CLDN20: variants seen among roughly 807,000 people sequenced by gnomAD.
CLDN20 encodes the protein claudin-20.
For synonymous variants in CLDN20, 104 were observed against 103.6 expected, an observed-to-expected ratio of 1.00 and a Z score of -0.03; for missense variants, 258 against 267.9, an observed-to-expected ratio of 0.96 and a Z score of 0.26.
chr6:155,269,957 G>C (rs1180189728), intron 1 of CLDN20, among the ~76,000 whole-genome samples: 2 of 152,262 alleles, frequency 1.3e-5, no homozygotes, highest in Non-Finnish European at 2.9e-5. Flanking sequence ...GAACGAAACA[G>C]AGAGAAGTGC....
In CLDN20 at chr6:155,275,875, G is replaced by T; in HGVS notation, c.156G>T (p.Met52Ile). 1.2e-6 allele frequency: 2 copies of T among 1,614,166 alleles called. No homozygotes were observed. The highest frequency in any genetic ancestry group is 1.7e-6 in the Non-Finnish European group (2 of 1,180,036). ...TAIVQLHGLW[M>I]DCTWYSTGMF... The stretch of plus-strand genomic sequence containing the variant: ...TTGTACAGCTGCACGGGCTCTGGAT[G>T]GACTGTACGTGGTACAGCACTGGGA... The change falls in exon 2 of 2, where the codon ATG becomes ATT. Residue 52 changes from methionine (M) to isoleucine (I), a missense_variant. By Grantham distance (10) the Met-to-Ile change is conservative. Transcript: ENST00000367165.
chr6:155,268,986 TAAA>T (rs34268254), intron 1 of CLDN20, among the ~76,000 whole-genome samples: 17 of 128,396 alleles, frequency 1.3e-4, no homozygotes, highest in African/African-American at 4.7e-4. Context: ...ATTAAAAAAT[TAAA>T]AAAAAAAAAA....
chr6:155,275,518 G>C (rs1251170844), intron 1 of CLDN20, 98 bp from the exon 2 acceptor site: 5 of 552,116 alleles, frequency 9.1e-6, no homozygotes, highest in African/African-American at 1.9e-5. Flanking sequence ...GCTGGAGAAG[G>C]GGGATACTCA....
intron 1 of CLDN20, among the ~76,000 whole-genome samples, chr6:155,273,058 T>C (rs1418444631): frequency 1.3e-5 from 2 of 152,212 alleles, no homozygotes; most frequent in African/African-American, 4.8e-5. Context: ...GAAGAATCCC[T>C]AAGCTGAAAA....
At chr6:155,271,670 G>T (rs908777777) in intron 1 of CLDN20, among the ~76,000 whole-genome samples, 7 of 152,174 alleles carry the variant, frequency 4.6e-5, no homozygotes. Flanking sequence ...ACTCTCATTT[G>T]CAAGGCACGA....
intron 1 of CLDN20, among the ~76,000 whole-genome samples, chr6:155,265,915 A>G (rs1444050448): frequency 2.0e-5 from 3 of 151,912 alleles, no homozygotes; most frequent in African/African-American, 7.3e-5. Flanking sequence ...TGGGAGTCCA[A>G]TGTTTGAGGA....
intron 1 of CLDN20, among the ~76,000 whole-genome samples, chr6:155,267,310 G>A (rs1784700351): frequency 1.3e-5 from 2 of 152,210 alleles, no homozygotes; most frequent in South Asian, 4.1e-4. Context: ...AGGGTCAGCT[G>A]AGGCAGCCAT....
In CLDN20 at chr6:155,275,730, C is replaced by T. The variant is rs112008767; in HGVS notation, c.11C>T (p.Ala4Val). The T allele has an allele frequency of 6.2e-7, 1 of 1,612,696 alleles. No homozygotes were observed. Among genetic ancestry groups the T allele is most frequent in the Non-Finnish European group, 8.5e-7 (1 of 1,179,232 alleles). MAS[A>V]GLQLLAFILA... Reference sequence around the variant, plus strand: ...CTTAACAGTAACATCATGGCCTCAGCAGGACTCCAGCTCCTTGCTTTCATC... The same window carrying T: ...CTTAACAGTAACATCATGGCCTCAGTAGGACTCCAGCTCCTTGCTTTCATC... The change falls in exon 2 of 2, where the codon GCA (alanine) becomes GTA (valine). Residue 4 changes from alanine to valine, a missense_variant. Physicochemically the swap from Ala to Val is moderately conservative, Grantham distance 64 (BLOSUM62 0). Coordinates refer to ENST00000367165, the MANE Select transcript of CLDN20 (RefSeq NM_001001346.3).
Position 155,275,692 on chromosome 6 carries a change from C to T in CLDN20, c.-28C>T. 3 of 1,580,742 alleles carry T rather than the reference C, an allele frequency of 1.9e-6. No individual in the cohort carries two copies. The highest frequency in any genetic ancestry group is 2.6e-6 in the Non-Finnish European group (3 of 1,161,240). On this transcript the variant is annotated 5_prime_UTR_variant, in exon 2 of 2. Transcript: ENST00000367165. ...CATCATTGTTAAACATCAGGATTTT[C>T]TAAGAGGACAGACTTAACAGTAACA...
intron 1 of CLDN20, among the ~76,000 whole-genome samples, chr6:155,267,575 C>T (rs1784716349): frequency 6.6e-6 from 1 of 152,180 alleles, no homozygotes; most frequent in Admixed American, 6.5e-5. Flanking sequence ...CAGGTAAAAC[C>T]AGTCTTAGAG....
At chr6:155,266,183 T>C (rs1197178195) in intron 1 of CLDN20, among the ~76,000 whole-genome samples, 1 of 152,076 alleles carries the variant, frequency 6.6e-6, no homozygotes, top group African/African-American at 2.4e-5. Context: ...GTGTTAACCA[T>C]CACAACATTT....
At position 155,276,142 on chromosome 6, in the gene CLDN20, G is replaced by A. The variant is rs1209982912; in HGVS notation, c.423G>A (p.Lys141=). The A allele has an allele frequency of 5.0e-6, 8 of 1,614,186 alleles. 1 individual carries two copies. The highest frequency in any genetic ancestry group is 3.3e-5 in the South Asian group (3 of 91,080). The change falls in exon 2 of 2, where the codon AAG becomes AAA. Residue 141 remains lysine, a synonymous_variant. Transcript: ENST00000367165. Reference sequence around the variant, plus strand: ...TAATCTCGACAGTGTGGTACACAAAGGAGATCATAGCAAACTTTCTGGATC... The same window carrying A: ...TAATCTCGACAGTGTGGTACACAAAAGAGATCATAGCAAACTTTCTGGATC... The part of the protein sequence containing the change: ...SSLISTVWYT[K]EIIANFLDLT...
At chr6:155,267,221 T>C (rs998767865) in intron 1 of CLDN20, among the ~76,000 whole-genome samples, 1 of 152,182 alleles carries the variant, frequency 6.6e-6, no homozygotes, top group African/African-American at 2.4e-5. Context: ...GCAATCCACC[T>C]GCCTTGGCCT....
chr6:155,276,495 C>G lies in CLDN20; in HGVS notation c.*116C>G. The stretch of plus-strand genomic sequence containing the variant: ...TACAAAGAAAGTAGAATGTAAAATA[C>G]TTTAACAACTACAAAGTAGTTTAAA... On this transcript the variant is annotated 3_prime_UTR_variant, in exon 2 of 2. Coordinates refer to ENST00000367165, the MANE Select transcript of CLDN20 (RefSeq NM_001001346.3). The G allele has an allele frequency of 1.1e-6, 1 of 918,692 alleles. No individual in the cohort carries two copies. The allele number at this position is 918,692 out of a possible 1,614,324, so 56.9% of individuals were successfully genotyped here.
chr6:155,272,480 C>T (rs1281745192), intron 1 of CLDN20, among the ~76,000 whole-genome samples: 1 of 151,602 alleles, frequency 6.6e-6, no homozygotes, highest in Non-Finnish European at 1.5e-5. Flanking sequence ...TACATGCGAC[C>T]CCTCCCCTCT....
chr6:155,273,899 G>A (rs1355654942), intron 1 of CLDN20, among the ~76,000 whole-genome samples: 3 of 152,126 alleles, frequency 2.0e-5, no homozygotes, highest in Non-Finnish European at 2.9e-5. Flanking sequence ...AAGGAAGGAA[G>A]AGAAAAAGGG....
chr6:155,272,860 T>C (rs1784997240), intron 1 of CLDN20, among the ~76,000 whole-genome samples: 1 of 152,194 alleles, frequency 6.6e-6, no homozygotes, highest in South Asian at 2.1e-4. Context: ...GAACAAACTG[T>C]CTTCATGTCT....
chr6:155,271,355 G>A (rs1784906233), intron 1 of CLDN20, among the ~76,000 whole-genome samples: 2 of 152,086 alleles, frequency 1.3e-5, no homozygotes, highest in Non-Finnish European at 1.5e-5. Flanking sequence ...AGTCTTATCT[G>A]ATGTGTCTCA....
At chr6:155,268,176 C>T (rs1422282443) in intron 1 of CLDN20, among the ~76,000 whole-genome samples, 1 of 152,100 alleles carries the variant, frequency 6.6e-6, no homozygotes, top group Non-Finnish European at 1.5e-5. Context: ...CTCCCATTAC[C>T]ACAGCCTCCC....
Sources: gnomAD v4.1 joint callset for allele counts (sites outside exome capture counted in the v4.1 genomes callset) on GRCh38, gnomAD v4.1.1 for gene constraint, MANE v1.5 for transcripts, NCBI Gene and HGNC (gene_info 2026-07-23, HGNC 2026-07-21) for gene names.